Variants in CNTNAP2 observed in about 807,000 individuals in gnomAD.
CNTNAP2 encodes contactin associated protein 2.
In CNTNAP2, 98 loss-of-function variants were observed where a neutral mutation model predicts 155.2. The ratio of observed to expected loss-of-function variants is 0.63; its 90% CI spans 0.54 to 0.75. The LOEUF (loss-of-function observed/expected upper bound fraction) is 0.75, where lower values mean the gene tolerates loss of function less well. Among genes scored for constraint, CNTNAP2 ranks in the 30% least tolerant of loss-of-function variants. The pLI is 0.00. For missense variants in CNTNAP2, 1,727 were observed against 1,688.1 expected, an observed-to-expected ratio of 1.02 and a Z score of -0.40; for synonymous variants, 651 against 631.2, an observed-to-expected ratio of 1.03 and a Z score of -0.47.
At chr7:148,161,815 T>G (rs1805549561) in intron 17 of CNTNAP2, among the ~76,000 whole-genome samples, 1 of 152,250 alleles carries the variant, frequency 6.6e-6, no homozygotes, top group African/African-American at 2.4e-5. Context: ...CTTGAAATCT[T>G]GACATCAAAA....
Position 148,417,483 on chromosome 7 carries a change from A to C in CNTNAP2, c.*1867A>C, listed in dbSNP as rs1800021833. On this transcript the variant is annotated 3_prime_UTR_variant, in exon 24 of 24. Coordinates refer to ENST00000361727, the MANE Select transcript of CNTNAP2 (RefSeq NM_014141.6). ...CTCAGGCACTGTCATGGACACCCTTAATTTTAAAAGGTTTTAATCATTCTT... is the reference window on the plus strand; with the variant it reads ...CTCAGGCACTGTCATGGACACCCTTCATTTTAAAAGGTTTTAATCATTCTT... The C allele has an allele frequency of 6.6e-6, 1 of 152,638 alleles. No homozygotes were observed. The highest frequency in any genetic ancestry group is 2.4e-5 in the African/African-American group (1 of 41,452). The allele number at this position is 152,638 out of a possible 1,614,324, so 9.5% of individuals were successfully genotyped here. A position where few individuals can be genotyped will look rare whatever the true frequency, so the allele number is the denominator to read the frequency against.
intron 3 of CNTNAP2, among the ~76,000 whole-genome samples, chr7:146,943,012 A>G (rs1797087197): frequency 6.6e-6 from 1 of 152,200 alleles, no homozygotes; most frequent in Non-Finnish European, 1.5e-5. Flanking sequence ...AAAATAAAAT[A>G]GAGTGTACAA....
At chr7:147,840,995 T>C (rs547602469) in intron 13 of CNTNAP2, among the ~76,000 whole-genome samples, 14 of 152,310 alleles carry the variant, frequency 9.2e-5, no homozygotes, top group Admixed American at 3.3e-4. Context: ...AAATAGCCAC[T>C]ACCTCCGGCT....
At chr7:147,041,116 T>G (rs1370565487) in intron 3 of CNTNAP2, among the ~76,000 whole-genome samples, 1 of 152,216 alleles carries the variant, frequency 6.6e-6, no homozygotes, top group Non-Finnish European at 1.5e-5. Flanking sequence ...TTGTTATTTC[T>G]TAACAACAAG....
At chr7:148,104,803 T>A (rs902651562) in intron 15 of CNTNAP2, among the ~76,000 whole-genome samples, 6 of 152,198 alleles carry the variant, frequency 3.9e-5, no homozygotes, top group Admixed American at 2.0e-4. Flanking sequence ...AGGGAAATGC[T>A]GAGTGTGTCC....
At chr7:146,609,177 A>G (rs1799094970) in intron 1 of CNTNAP2, among the ~76,000 whole-genome samples, 2 of 152,312 alleles carry the variant, frequency 1.3e-5, no homozygotes, top group South Asian at 4.1e-4. Context: ...TTCTTTGGTT[A>G]GAGTTTCATC....
In CNTNAP2 at chr7:147,692,677, C is replaced by T. The variant is rs977357614; in HGVS notation, c.2098+53371C>T. 6.6e-5 allele frequency among the ~76,000 whole-genome samples: 10 copies of T among 152,134 alleles called. No homozygotes were observed. In the East Asian group the frequency reaches 1.9e-3, roughly 29 times the overall value. On this transcript the variant is annotated intron_variant, in intron 13 of 23. Coordinates refer to ENST00000361727, the MANE Select transcript of CNTNAP2 (RefSeq NM_014141.6). ...ATGAAGTAGCTGTTAAGATACGGAC[C>T]ATTTTTAATTGAGTTGTTTTCTTAT...
At chr7:146,507,813 C>A (rs1329112128) in intron 1 of CNTNAP2, among the ~76,000 whole-genome samples, 5 of 152,140 alleles carry the variant, frequency 3.3e-5, no homozygotes. Flanking sequence ...AAGGTGGACC[C>A]CCTTTATGAC....
intron 14 of CNTNAP2, among the ~76,000 whole-genome samples, chr7:147,966,984 T>C (rs1801226743): frequency 6.6e-6 from 1 of 152,102 alleles, no homozygotes; most frequent in South Asian, 2.1e-4. Flanking sequence ...CTATTCACTC[T>C]AATTTTAAAA....
chr7:146,309,659 G>T (rs1255519620), intron 1 of CNTNAP2, among the ~76,000 whole-genome samples: 2 of 151,838 alleles, frequency 1.3e-5, no homozygotes, highest in Admixed American at 6.6e-5. Context: ...AAAATTAATC[G>T]GGCGTGTTGG....
At chr7:148,341,135 G>A (rs17170960) in intron 21 of CNTNAP2, among the ~76,000 whole-genome samples, 13,120 of 152,242 alleles carry the variant, frequency 0.086, 887 homozygotes, top group East Asian at 0.28. Context: ...ACTACCACAG[G>A]TCTAACTTGG....
At chr7:146,923,681 G>A (rs1214276340) in intron 3 of CNTNAP2, among the ~76,000 whole-genome samples, 2 of 152,030 alleles carry the variant, frequency 1.3e-5, no homozygotes, top group African/African-American at 2.4e-5. Flanking sequence ...CGCTACTCCT[G>A]GTGGATTTTG....
intron 10 of CNTNAP2, among the ~76,000 whole-genome samples, chr7:147,455,612 A>T (rs1797905941): frequency 6.6e-6 from 1 of 152,150 alleles, no homozygotes; most frequent in Non-Finnish European, 1.5e-5. Flanking sequence ...TATTCCAGAG[A>T]ATAGAAATAG....
At chr7:146,124,899 A>T (rs917904429) in intron 1 of CNTNAP2, among the ~76,000 whole-genome samples, 3 of 152,194 alleles carry the variant, frequency 2.0e-5, no homozygotes, top group South Asian at 2.1e-4. Flanking sequence ...TTCTCCACAC[A>T]ATATGCCAGA....
chr7:147,531,003 C>G (rs1293296611), intron 11 of CNTNAP2, among the ~76,000 whole-genome samples: 1 of 152,162 alleles, frequency 6.6e-6, no homozygotes, highest in Non-Finnish European at 1.5e-5. Flanking sequence ...AGTCTGAAAT[C>G]CAGTGGGGCA....
At chr7:148,382,478 A>G (rs1459794184) in intron 21 of CNTNAP2, among the ~76,000 whole-genome samples, 3 of 88,482 alleles carry the variant, frequency 3.4e-5, no homozygotes, top group African/African-American at 6.4e-5. Context: ...ACCCTATGAA[A>G]TGGAGCGGGA....
chr7:147,807,986 T>TAAAA (rs59556780), intron 13 of CNTNAP2, among the ~76,000 whole-genome samples: 10 of 146,582 alleles, frequency 6.8e-5, no homozygotes, highest in Admixed American at 1.4e-4. Flanking sequence ...CTTTCTTTTT[T>TAAAA]AAAAAAAAAA....
chr7:146,267,348 A>C (rs994188122), intron 1 of CNTNAP2, among the ~76,000 whole-genome samples: 1 of 152,190 alleles, frequency 6.6e-6, no homozygotes, highest in African/African-American at 2.4e-5. Flanking sequence ...CATCTAGGCC[A>C]TGTGTTATTT....
chr7:146,331,679 G>A (rs543145210), intron 1 of CNTNAP2, among the ~76,000 whole-genome samples: 1 of 152,058 alleles, frequency 6.6e-6, no homozygotes, highest in Admixed American at 6.6e-5. Flanking sequence ...GGTCTCTGCC[G>A]ACCTCACCTC....
Sources: gnomAD v4.1 joint callset for allele counts (sites outside exome capture counted in the v4.1 genomes callset) on GRCh38, gnomAD v4.1.1 for gene constraint, MANE v1.5 for transcripts, NCBI Gene and HGNC (gene_info 2026-07-23, HGNC 2026-07-21) for gene names.